CTCF: variants seen among roughly 807,000 people sequenced by gnomAD.
CTCF encodes the protein transcriptional repressor CTCF.
In CTCF, 7 loss-of-function variants were observed where a neutral mutation model predicts 72.3. The ratio of observed to expected loss-of-function variants is 0.10; its 90% CI spans 0.06 to 0.18. CTCF has a LOEUF of 0.18. Ranked by LOEUF, CTCF falls within the 10% of genes least tolerant of loss-of-function variation. CTCF has a pLI of 1.00. For missense variants in CTCF, 516 were observed against 949.1 expected (o/e 0.54, Z 6.00); for synonymous variants, 374 against 315.8 (o/e 1.18, Z -1.95).
intron 7 of CTCF, among the ~76,000 whole-genome samples, chr16:67,624,159 A>G (rs553129242): frequency 3.2e-4 from 48 of 149,076 alleles, no homozygotes; most frequent in African/African-American, 8.2e-4. Context: ...ATATGTGTGT[A>G]TATATATATG....
At chr16:67,624,904 ACTT>A (rs2052262171) in intron 7 of CTCF, among the ~76,000 whole-genome samples, 1 of 150,640 alleles carries the variant, frequency 6.6e-6, no homozygotes, top group African/African-American at 2.4e-5. Context: ...CAACTCTGAG[ACTT>A]CTTTGTGTGT....
chr16:67,614,031 G>A (rs1304005512), intron 4 of CTCF, among the ~76,000 whole-genome samples: 2 of 152,048 alleles, frequency 1.3e-5, no homozygotes, highest in Admixed American at 1.3e-4. Context: ...TTGCATTCTA[G>A]GGGGCGCCTT....
intron 2 of CTCF, among the ~76,000 whole-genome samples, chr16:67,602,565 G>C (rs2051907543): frequency 6.6e-6 from 1 of 152,100 alleles, no homozygotes; most frequent in Non-Finnish European, 1.5e-5. Context: ...CTGGGGGCTG[G>C]GCACGGTGGT....
intron 2 of CTCF, among the ~76,000 whole-genome samples, chr16:67,590,983 A>G (rs375907776): frequency 0.034 from 4,339 of 127,836 alleles, 97 homozygotes; most frequent in Non-Finnish European, 0.048. Context: ...AAAAAAAAAA[A>G]TGCTGGACTG....
chr16:67,624,408 G>A (rs533888626), intron 7 of CTCF, among the ~76,000 whole-genome samples: 1 of 152,032 alleles, frequency 6.6e-6, no homozygotes, highest in South Asian at 2.1e-4. Flanking sequence ...TTCTTCCTAA[G>A]AGATGACTTG....
intron 1 of CTCF, among the ~76,000 whole-genome samples, chr16:67,570,488 G>A (rs544289581): frequency 3.3e-5 from 5 of 151,028 alleles, no homozygotes; most frequent in African/African-American, 9.7e-5. Flanking sequence ...TCGCTCTGTC[G>A]CCCAGGCTGG....
chr16:67,569,374 C>T (rs9940154), intron 1 of CTCF, among the ~76,000 whole-genome samples: 6,409 of 151,340 alleles, frequency 0.042, 448 homozygotes, highest in African/African-American at 0.14. Flanking sequence ...TTAGTAGAGA[C>T]GGGGTTTCAC....
intron 2 of CTCF, among the ~76,000 whole-genome samples, chr16:67,582,464 G>A (rs370317889): frequency 2.6e-5 from 4 of 152,160 alleles, no homozygotes; most frequent in South Asian, 2.1e-4. Context: ...AGGCTGAGGC[G>A]AACGGATCGC....
intron 1 of CTCF, among the ~76,000 whole-genome samples, chr16:67,565,751 G>A (rs563628512): frequency 4.8e-4 from 72 of 151,278 alleles, no homozygotes; most frequent in Admixed American, 1.3e-3. Context: ...AAGAATTTAA[G>A]AGGTGAAGTT....
intron 8 of CTCF, chr16:67,627,171 C>G (rs1363610204): frequency 6.6e-6 from 1 of 152,078 alleles, no homozygotes; most frequent in Non-Finnish European, 1.5e-5. Context: ...AGATAGGCAA[C>G]AGAGAGAGAC....
chr16:67,604,722 T>C (rs1227234318), intron 2 of CTCF, among the ~76,000 whole-genome samples: 1 of 148,762 alleles, frequency 6.7e-6, no homozygotes, highest in Non-Finnish European at 1.5e-5. Flanking sequence ...AAAATTAATT[T>C]CACCAGGGTT....
intron 2 of CTCF, among the ~76,000 whole-genome samples, chr16:67,592,739 G>A (rs995573832): frequency 6.7e-6 from 1 of 149,694 alleles, no homozygotes; most frequent in African/African-American, 2.5e-5. Flanking sequence ...TACTTACAGA[G>A]GCCAGGCGTT....
chr16:67,578,940 C>T (rs918992469), intron 2 of CTCF, among the ~76,000 whole-genome samples: 1 of 147,802 alleles, frequency 6.8e-6, no homozygotes, highest in Non-Finnish European at 1.5e-5. Context: ...AAGAGCAAGA[C>T]TTCGTCTCAA....
At chr16:67,600,113 C>T (rs1014537647) in intron 2 of CTCF, among the ~76,000 whole-genome samples, 6 of 152,058 alleles carry the variant, frequency 3.9e-5, no homozygotes, top group African/African-American at 1.4e-4. Context: ...AGGGAAAGGC[C>T]CTTGGGTTGA....
At chr16:67,610,293 C>T (rs2052043212) in intron 2 of CTCF, among the ~76,000 whole-genome samples, 1 of 150,702 alleles carries the variant, frequency 6.6e-6, no homozygotes, top group African/African-American at 2.4e-5. Context: ...TGATTGGTTT[C>T]AGAGTTTTGG....
rs1026910689 is a variant in CTCF, at chr16:67,570,528, A to T, written c.-126-620A>T. On this transcript the variant is annotated intron_variant, in intron 1 of 11. Transcript: ENST00000264010. The stretch of plus-strand genomic sequence containing the variant: ...CCGTGGTGCGATCTCGGCTCACTGC[A>T]TGCTCTGCCTCCCAGGTTTGCACCA... Among the ~76,000 whole-genome samples, 7 of 150,262 alleles carry T rather than the reference A, an allele frequency of 4.7e-5. No individual in the cohort carries two copies. In the Admixed American group the frequency reaches 4.7e-4, roughly 10 times the overall value.
intron 2 of CTCF, among the ~76,000 whole-genome samples, chr16:67,577,214 C>G (rs540212446): frequency 6.6e-6 from 1 of 151,680 alleles, no homozygotes; most frequent in Admixed American, 6.6e-5. Flanking sequence ...GTCAGGAGAT[C>G]GACACCATCC....
intron 1 of CTCF, among the ~76,000 whole-genome samples, chr16:67,565,006 T>C (rs2051323433): frequency 7.1e-6 from 1 of 140,120 alleles, no homozygotes; most frequent in Non-Finnish European, 1.6e-5. Context: ...AACCCAGACC[T>C]TTTTTTTTTT....
intron 2 of CTCF, among the ~76,000 whole-genome samples, chr16:67,576,554 T>G (rs928515661): frequency 4.1e-5 from 6 of 146,726 alleles, no homozygotes; most frequent in Admixed American, 6.8e-5. Context: ...TAGAATGTTT[T>G]TTTTTTTTTT....
Sources: allele counts gnomAD v4.1 joint callset (sites outside exome capture counted in the v4.1 genomes callset), GRCh38; gene constraint gnomAD v4.1.1; transcripts MANE v1.5; gene names NCBI Gene and HGNC (gene_info 2026-07-23, HGNC 2026-07-21).